Variants in SALL2 observed in about 807,000 individuals in gnomAD.
SALL2 encodes the protein spalt like transcription factor 2.
SALL2 carries 32 observed loss-of-function variants against 58.5 expected under a neutral mutation model. That is an observed-to-expected ratio of 0.55 (90% CI 0.41 to 0.74). The LOEUF is 0.74. Ranked by LOEUF, SALL2 falls within the 30% of genes least tolerant of loss-of-function variation. SALL2 has a pLI of 0.00. For missense variants in SALL2, 1,201 were observed against 1,268.9 expected (o/e 0.95, Z 0.81); for synonymous variants, 516 against 513.6 (o/e 1.00, Z -0.06).
chr14:21,523,672 C>T lies in SALL2; in HGVS notation c.2050G>A (p.Ala684Thr). 1 of 1,614,232 alleles carries T rather than the reference C, an allele frequency of 6.2e-7. No homozygotes were observed. The highest frequency in any genetic ancestry group is 8.5e-7 in the Non-Finnish European group (1 of 1,180,046). ...AHFVGHKASP[A>T]ARAQNSCPIC... ...GGGCAGGAATTCTGTGCCCGGGCAG[C>T]TGGACTGGCCTTGTGGCCCACGAAA... Residue 684 changes from alanine to threonine, a missense_variant, in exon 2 of 2, where the codon GCT becomes ACT. Physicochemically the swap from Ala to Thr is moderately conservative, Grantham distance 58. Transcript: ENST00000537235. This position sits in a 1 kb window ranked among gnomAD's most constrained non-coding sequence, Gnocchi z 4.4.
chr14:21,523,097 T>C lies in SALL2; in HGVS notation c.2625A>G (p.Ser875=), dbSNP rs1892111845. 3 of 1,614,188 alleles carry C rather than the reference T, an allele frequency of 1.9e-6. No homozygotes were observed. Among genetic ancestry groups the C allele is most frequent in the Non-Finnish European group, 2.5e-6 (3 of 1,180,028 alleles). The stretch of plus-strand genomic sequence containing the variant: ...TGGCTTCCCCTTCTGGGGTGAGTGC[T>C]GATGCCGGACTTGAGCTTCTCTCCG... ...GKPERSSSPA[S]ALTPEGEATS... is the part of the protein sequence containing the mutation. The change falls in exon 2 of 2, where the codon TCA becomes TCG. Residue 875 remains serine (S), a synonymous_variant. Coordinates refer to ENST00000537235, the MANE Select transcript of SALL2 (RefSeq NM_001364564.1). The surrounding 1 kb of genome is among the most constrained non-coding windows in gnomAD (Gnocchi z 4.4).
In SALL2 at chr14:21,523,484, G is replaced by A. The variant is rs1303249176; in HGVS notation, c.2238C>T (p.Phe746=). The change falls in exon 2 of 2, where the codon TTC becomes TTT. Residue 746 remains phenylalanine, a synonymous_variant. Transcript: ENST00000537235. This position sits in a 1 kb window ranked among gnomAD's most constrained non-coding sequence, Gnocchi z 4.4. ...EQSTVSGARS[F]PQQQSQQPSP... is the part of the protein sequence containing the mutation. ...ATGGCTGCTGGGACTGCTGCTGGGG[G>A]AAACTCCGTGCCCCGGAGACTGTAG... 2 of 1,614,170 alleles carry A rather than the reference G, an allele frequency of 1.2e-6. No individual in the cohort carries two copies. Among genetic ancestry groups the A allele is most frequent in the Non-Finnish European group, 1.7e-6 (2 of 1,180,048 alleles).
In SALL2 at chr14:21,524,102, A is replaced by T; in HGVS notation, c.1620T>A (p.Ser540Arg). Residue 540 changes from serine (S) to arginine (R), a missense_variant, in exon 2 of 2, where the codon AGT (serine) becomes AGA (arginine). Coordinates refer to ENST00000537235, the MANE Select transcript of SALL2 (RefSeq NM_001364564.1). ...EGSAISGVAE[S>R]STATRMQLSK... Reference sequence around the variant, plus strand: ...TTAGTTGCATGCGAGTTGCCGTGCTACTTTCTGCCACTCCACTGATGGCTG... The same window carrying T: ...TTAGTTGCATGCGAGTTGCCGTGCTTCTTTCTGCCACTCCACTGATGGCTG... The T allele has an allele frequency of 6.2e-7, 1 of 1,613,824 alleles. No individual in the cohort carries two copies. Among genetic ancestry groups the T allele is most frequent in the East Asian group, 2.2e-5 (1 of 44,880 alleles).
rs762195832 is a variant in SALL2, at chr14:21,525,169, G to A, written c.553C>T (p.Arg185Trp). Reference protein sequence around the residue: ...LNIPLILEELRVLQQRQIHQM... With the variant: ...LNIPLILEELWVLQQRQIHQM... ...TGGATCTGCCGCTGCTGCAGCACCC[G>A]TAGCTCTTCCAAGATCAGGGGGATA... Residue 185 changes from arginine (R) to tryptophan (W), a missense_variant, in exon 2 of 2, where the codon CGG becomes TGG. Arg to Trp is a moderately radical substitution (Grantham distance 101). Transcript: ENST00000537235. The surrounding 1 kb of genome is among the most constrained non-coding windows in gnomAD (Gnocchi z 4.4). 25 of 1,613,852 alleles carry A rather than the reference G, an allele frequency of 1.5e-5. No individual in the cohort carries two copies. Among genetic ancestry groups the A allele is most frequent in the Non-Finnish European group, 1.9e-5 (22 of 1,179,966 alleles).
chr14:21,528,045 G>A (rs754090663), upstream of SALL2, among the ~76,000 whole-genome samples: 1 of 151,936 alleles, frequency 6.6e-6, no homozygotes, highest in South Asian at 2.1e-4. Context: ...AGCTGAGCCA[G>A]GAGAATGGCT....
intron 1 of SALL2, among the ~76,000 whole-genome samples, chr14:21,532,238 A>T (rs1216337300): frequency 6.6e-6 from 1 of 152,232 alleles, no homozygotes; most frequent in African/African-American, 2.4e-5. Context: ...CCCAAACATT[A>T]TATGAGTCCA....
At chr14:21,531,845 T>C (rs1346969792) in intron 1 of SALL2, among the ~76,000 whole-genome samples, 1 of 152,074 alleles carries the variant, frequency 6.6e-6, no homozygotes, top group South Asian at 2.1e-4. Flanking sequence ...TTTTCCTGCC[T>C]CAGCCTCCCA....
chr14:21,530,496 C>G (rs1222913286), upstream of SALL2, among the ~76,000 whole-genome samples: 8 of 152,068 alleles, frequency 5.3e-5, no homozygotes, highest in Admixed American at 2.0e-4. Context: ...CCATGTGGGT[C>G]AGGCTGGTCT....
upstream of SALL2, among the ~76,000 whole-genome samples, chr14:21,526,730 T>A (rs1892327653): frequency 1.3e-5 from 2 of 152,004 alleles, no homozygotes; most frequent in South Asian, 4.2e-4. Flanking sequence ...GGTCGTCTGA[T>A]CTCCTCAGAG....
Position 21,523,759 on chromosome 14 carries a change from T to G in SALL2, c.1963A>C (p.Arg655=), listed in dbSNP as rs909233055. The G allele has an allele frequency of 1.9e-6, 3 of 1,614,160 alleles. No homozygotes were observed. Among genetic ancestry groups the G allele is most frequent in the Admixed American group, 1.7e-5 (1 of 60,026 alleles). The change falls in exon 2 of 2, where the codon AGG becomes CGG. Residue 655 remains arginine, a synonymous_variant. Transcript: ENST00000537235. This position sits in a 1 kb window ranked among gnomAD's most constrained non-coding sequence, Gnocchi z 4.4. The part of the protein sequence containing the change: ...RLHYGQHGGE[R]PFKCKVCGRA... ...CCACACACTTTGCATTTGAAGGGCCTCTCACCTCCATGTTGGCCATAATGA... is the reference window on the plus strand; with the variant it reads ...CCACACACTTTGCATTTGAAGGGCCGCTCACCTCCATGTTGGCCATAATGA...
Position 21,523,304 on chromosome 14 carries a change from T to A in SALL2, c.2418A>T (p.Ala806=). ...CCGCCACTGTCCCCACCTCCTCCTC[T>A]GCCCCAGATGCCTCTTCTGAATCAC... is the stretch of plus-strand genomic sequence containing the variant. ...VRGDSEEASG[A]EEEVGTVAAA... Residue 806 remains alanine (A), a synonymous_variant, in exon 2 of 2, where the codon GCA becomes GCT. Transcript: ENST00000537235. This position sits in a 1 kb window ranked among gnomAD's most constrained non-coding sequence, Gnocchi z 4.4. 6.2e-7 allele frequency: 1 copy of A among 1,613,756 alleles called. No homozygotes were observed. Among genetic ancestry groups the A allele is most frequent in the Non-Finnish European group, 8.5e-7 (1 of 1,180,020 alleles).
At chr14:21,533,844 A>G (rs1047260481) in intron 1 of SALL2, among the ~76,000 whole-genome samples, 4 of 152,196 alleles carry the variant, frequency 2.6e-5, no homozygotes, top group Non-Finnish European at 5.9e-5. Context: ...TGCTTACAAG[A>G]AGGCAAAAGA....
upstream of SALL2, chr14:21,526,510 C>G (rs554107846): frequency 1.7e-6 from 2 of 1,174,062 alleles, no homozygotes; most frequent in Non-Finnish European, 2.1e-6. Context: ...TGAAGCACTG[C>G]GGGGGTCCAC....
At position 21,522,178 on chromosome 14, in the gene SALL2, TG is replaced by T. The variant is rs777437952; in HGVS notation, c.*525del. On this transcript the variant is annotated 3_prime_UTR_variant, in exon 2 of 2. Coordinates refer to ENST00000537235, the MANE Select transcript of SALL2 (RefSeq NM_001364564.1). Reference sequence around the variant, plus strand: ...GGTGGGGCCAGGCTTGGAGTGGTAGTGGAGGTGGAGCTGGAATTCCAGGGCT... The same window carrying T: ...GGTGGGGCCAGGCTTGGAGTGGTAGTGAGGTGGAGCTGGAATTCCAGGGCT... 1 of 1,597,708 alleles carries T rather than the reference TG, an allele frequency of 6.3e-7. No homozygotes were observed. The highest frequency in any genetic ancestry group is 1.1e-5 in the South Asian group (1 of 90,818).
upstream of SALL2, chr14:21,526,394 A>G (rs1594465118): frequency 1.2e-5 from 12 of 1,013,546 alleles, no homozygotes; most frequent in South Asian, 1.2e-4. Context: ...GCTGCTGGGG[A>G]GGGAGGCGGG....
rs150421117 is a variant in SALL2 at position 21,523,886 on chromosome 14, G to A, written c.1836C>T (p.Ala612=). Residue 612 remains alanine, a synonymous_variant, in exon 2 of 2, where the codon GCC becomes GCT. Coordinates refer to ENST00000537235, the MANE Select transcript of SALL2 (RefSeq NM_001364564.1). This position sits in a 1 kb window ranked among gnomAD's most constrained non-coding sequence, Gnocchi z 4.4. ...AVAVTSAASG[A]PTTSAPAPSS... ...AAGGTGCAGGGGCAGAGGTGGTGGG[G>A]GCTCCTGAGGCAGCTGAGGTCACCG... The A allele has an allele frequency of 1.4e-5, 23 of 1,614,208 alleles. No individual in the cohort carries two copies. Among genetic ancestry groups the A allele is most frequent in the Non-Finnish European group, 1.9e-5 (23 of 1,180,046 alleles).
At chr14:21,526,035 G>GGCCCCCCCCCCCCCC in intron 1 of SALL2, 26 bp downstream of exon 1, 1 of 1,401,740 alleles carries the variant, frequency 7.1e-7, no homozygotes, top group Non-Finnish European at 9.8e-7. Flanking sequence ...CCCCACCCCT[G>GGCCCCCCCCCCCCCC]CCCAGCCCGA....
At position 21,525,191 on chromosome 14, in the gene SALL2, G is replaced by A; in HGVS notation, c.531C>T (p.Ile177=). 6.2e-7 allele frequency: 1 copy of A among 1,613,556 alleles called. No individual in the cohort carries two copies. The highest frequency in any genetic ancestry group is 8.5e-7 in the Non-Finnish European group (1 of 1,179,708). ...CCCGTAGCTCTTCCAAGATCAGGGG[G>A]ATATTCAAGTGGCCACTGCCTACCC... ...PPGVGSGHLN[I]PLILEELRVL... Residue 177 remains isoleucine, a synonymous_variant, in exon 2 of 2, where the codon ATC becomes ATT. Transcript: ENST00000537235. This position sits in a 1 kb window ranked among gnomAD's most constrained non-coding sequence, Gnocchi z 4.4.
At position 21,524,763 on chromosome 14, in the gene SALL2, G is replaced by A. The variant is rs755427995; in HGVS notation, c.959C>T (p.Pro320Leu). 6.2e-7 allele frequency: 1 copy of A among 1,607,452 alleles called. No homozygotes were observed. Among genetic ancestry groups the A allele is most frequent in the South Asian group, 1.1e-5 (1 of 89,956 alleles). Residue 320 changes from proline (P) to leucine (L), a missense_variant, in exon 2 of 2, where the codon CCA becomes CTA. Pro to Leu is a moderately conservative substitution (Grantham distance 98). This residue lies in a region of SALL2 where 467 missense variants were observed against 468.9 expected (regional missense o/e 1.00). Coordinates refer to ENST00000537235, the MANE Select transcript of SALL2 (RefSeq NM_001364564.1). ...TGCTGCCAGTAGTCCCGTGGTGCTT[G>A]GGAATGCCAGATGAGGCGAGGCAAT... ...QLIASPHLAFPSTTGLLAAQC... is the reference protein window; with the variant it reads ...QLIASPHLAFLSTTGLLAAQC...
Sources: gnomAD v4.1 joint callset for allele counts (sites outside exome capture counted in the v4.1 genomes callset) on GRCh38, gnomAD v4.1.1 for gene constraint, gnomAD v4.1.1 regional missense constraint, Gnocchi (gnomAD v3.1) non-coding constraint, MANE v1.5 for transcripts, NCBI Gene and HGNC (gene_info 2026-07-23, HGNC 2026-07-21) for gene names.